Variants in CNKSR2 observed in about 807,000 individuals in gnomAD.
CNKSR2 encodes the protein CNK homolog protein 2.
A neutral mutation model predicts 84.4 loss-of-function variants in CNKSR2; 14 were observed. The ratio of observed to expected loss-of-function variants is 0.17; its 90% confidence interval spans 0.11 to 0.26. CNKSR2 has a LOEUF of 0.26. Among genes scored for constraint, CNKSR2 ranks in the 10% least tolerant of loss-of-function variants. The pLI is 1.00. For missense variants in CNKSR2, 485 were observed against 771.2 expected, an observed-to-expected ratio of 0.63 and a Z score of 4.40; for synonymous variants, 275 against 277.9, an observed-to-expected ratio of 0.99 and a Z score of 0.10.
chrX:21,421,893 G>T (rs1199160638), intron 1 of CNKSR2: 1 of 110,268 alleles, frequency 9.1e-6, no homozygotes, highest in African/African-American at 3.3e-5. Context: ...TGGCTACCTT[G>T]CTCCACTCTA....
At chrX:21,570,994 C>T (rs2092279770) in intron 13 of CNKSR2, among the ~76,000 whole-genome samples, 1 of 112,372 alleles carries the variant, frequency 8.9e-6, no homozygotes. Flanking sequence ...TTTTGATCTT[C>T]TATCCAGACC....
At chrX:21,554,683 A>G (rs909087092) in intron 11 of CNKSR2, among the ~76,000 whole-genome samples, 3 of 111,814 alleles carry the variant, frequency 2.7e-5, no homozygotes, top group Non-Finnish European at 5.6e-5. Flanking sequence ...TTATGACCAC[A>G]TAGTATTCCA....
intron 4 of CNKSR2, among the ~76,000 whole-genome samples, chrX:21,455,534 A>G (rs753961359): frequency 8.9e-6 from 1 of 112,157 alleles, no homozygotes; most frequent in Non-Finnish European, 1.9e-5. Flanking sequence ...ACCTTATGTA[A>G]CAGATTGAAT....
At chrX:21,581,948 A>C (rs1310010972) in intron 13 of CNKSR2, among the ~76,000 whole-genome samples, 1 of 111,799 alleles carries the variant, frequency 8.9e-6, no homozygotes, top group African/African-American at 3.3e-5. Flanking sequence ...CAAGAGAGTA[A>C]AGAATTAGTC....
At chrX:21,521,886 T>A (rs1324453265) in intron 9 of CNKSR2, among the ~76,000 whole-genome samples, 2 of 110,920 alleles carry the variant, frequency 1.8e-5, no homozygotes, top group East Asian at 5.7e-4. Context: ...TAGAAAAAGC[T>A]GTGAAAGAAC....
chrX:21,622,754 C>T (rs1384989212), intron 20 of CNKSR2, among the ~76,000 whole-genome samples: 2 of 111,611 alleles, frequency 1.8e-5, no homozygotes, highest in East Asian at 5.6e-4. Flanking sequence ...GCAGTAATTA[C>T]TTACATGTAT....
chrX:21,514,983 T>C (rs1809910738), intron 8 of CNKSR2, among the ~76,000 whole-genome samples: 1 of 110,062 alleles, frequency 9.1e-6, no homozygotes, highest in Admixed American at 9.7e-5. Flanking sequence ...CCCACTTACA[T>C]ATAAGGGGAG....
chrX:21,550,142 T>C (rs2092072182), intron 11 of CNKSR2, among the ~76,000 whole-genome samples: 1 of 111,680 alleles, frequency 9.0e-6, no homozygotes, highest in South Asian at 3.7e-4. Flanking sequence ...ACCTACAGAA[T>C]GGGAGAAAAT....
intron 5 of CNKSR2, among the ~76,000 whole-genome samples, chrX:21,482,933 T>C (rs1276707645): frequency 8.9e-6 from 1 of 112,180 alleles, no homozygotes; most frequent in Non-Finnish European, 1.9e-5. Flanking sequence ...GACCTTTATT[T>C]ACTTGCAACT....
At chrX:21,620,920 A>G (rs2092598929) in intron 20 of CNKSR2, among the ~76,000 whole-genome samples, 2 of 111,593 alleles carry the variant, frequency 1.8e-5, no homozygotes, top group African/African-American at 6.5e-5. Flanking sequence ...GCTACCAGCC[A>G]GGAATTCCCA....
At chrX:21,589,071 A>C (rs1477270589) in intron 13 of CNKSR2, among the ~76,000 whole-genome samples, 1 of 112,427 alleles carries the variant, frequency 8.9e-6, no homozygotes, top group Non-Finnish European at 1.9e-5. Flanking sequence ...TTTCTCTCAA[A>C]ATTTGTGAAT....
intron 4 of CNKSR2, among the ~76,000 whole-genome samples, chrX:21,456,278 T>C (rs1180921713): frequency 1.8e-5 from 2 of 111,414 alleles, no homozygotes; most frequent in Non-Finnish European, 3.8e-5. Flanking sequence ...TGCAATACAT[T>C]ATTATTGACT....
intron 1 of CNKSR2, among the ~76,000 whole-genome samples, chrX:21,404,891 A>G (rs1479687120): frequency 1.8e-5 from 2 of 110,126 alleles, no homozygotes; most frequent in Non-Finnish European, 3.8e-5. Flanking sequence ...CTTATGGGGT[A>G]ATTTTCCCCT....
At chrX:21,612,023 A>G (rs1021939043) in intron 20 of CNKSR2, among the ~76,000 whole-genome samples, 3 of 112,104 alleles carry the variant, frequency 2.7e-5, no homozygotes, top group African/African-American at 9.7e-5. Context: ...CTTATTATTC[A>G]ATGAAATGTA....
chrX:21,512,529 A>C (rs1027049641), intron 8 of CNKSR2, among the ~76,000 whole-genome samples: 1 of 111,289 alleles, frequency 9.0e-6, no homozygotes, highest in Non-Finnish European at 1.9e-5. Context: ...AGCATAGAAA[A>C]CTTCTACACT....
At chrX:21,516,990 G>T (rs181018807) in intron 9 of CNKSR2, among the ~76,000 whole-genome samples, 185 of 111,774 alleles carry the variant, frequency 1.7e-3, no homozygotes, top group African/African-American at 5.7e-3. Context: ...TTTAGAAGAA[G>T]CTAAATGATA....
chrX:21,497,214 G>C (rs190512424), intron 6 of CNKSR2, among the ~76,000 whole-genome samples: 1 of 110,820 alleles, frequency 9.0e-6, no homozygotes, highest in Non-Finnish European at 1.9e-5. Context: ...TTTAATTATC[G>C]ATGTAGATAT....
chrX:21,642,205 G>T, intron 20 of CNKSR2: 1 of 747,615 alleles, frequency 1.3e-6, no homozygotes, highest in Admixed American at 8.6e-5. Context: ...ATTATAAAGT[G>T]TATTCAGGTG....
intron 1 of CNKSR2, among the ~76,000 whole-genome samples, chrX:21,397,624 G>A (rs952371976): frequency 9.0e-6 from 1 of 111,024 alleles, no homozygotes; most frequent in Non-Finnish European, 1.9e-5. Context: ...TTTGGGAGAG[G>A]TTGGTTAATG....
Sources: allele counts gnomAD v4.1 joint callset (sites outside exome capture counted in the v4.1 genomes callset), GRCh38; gene constraint gnomAD v4.1.1; transcripts MANE v1.5; gene names NCBI Gene and HGNC (gene_info 2026-07-23, HGNC 2026-07-21).